The following SEMA3E variants were observed in gnomAD, a reference collection of about 807,000 sequenced individuals.
SEMA3E encodes semaphorin-3E.
In SEMA3E, 49 loss-of-function variants were observed where a neutral mutation model predicts 93.6. The observed-to-expected ratio is 0.52, with a 90% CI of 0.42 to 0.66. The LOEUF (loss-of-function observed/expected upper bound fraction) is 0.66, where lower values mean the gene tolerates loss of function less well. SEMA3E is among the 30% of genes least tolerant of loss of function. The pLI, the probability that SEMA3E is intolerant of heterozygous loss-of-function variation, is 0.00. For missense variants in SEMA3E, 906 were observed against 964.8 expected, an observed-to-expected ratio of 0.94 and a Z score of 0.81; for synonymous variants, 363 against 330.7, an observed-to-expected ratio of 1.10 and a Z score of -1.06.
chr7:83,576,167 C>T (rs532076239), intron 1 of SEMA3E, among the ~76,000 whole-genome samples: 16 of 152,238 alleles, frequency 1.1e-4, no homozygotes, highest in African/African-American at 3.9e-4. Flanking sequence ...TCATAGCCGG[C>T]ATCTTGTTAA....
chr7:83,466,867 AGG>A (rs2115881969), intron 3 of SEMA3E, among the ~76,000 whole-genome samples: 1 of 152,290 alleles, frequency 6.6e-6, no homozygotes, highest in African/African-American at 2.4e-5. Context: ...TTTACAACTG[AGG>A]AATAAAAAAA....
chr7:83,366,685 TCA>T lies in SEMA3E; in HGVS notation c.*899_*900del. On this transcript the variant is annotated 3_prime_UTR_variant, in exon 17 of 17. Transcript: ENST00000643230. ...TACAAGGATTAACATGTTTTTTATT[TCA>T]GTTATTTGTTTCTGCAAATGAACTT... The T allele has an allele frequency of 6.6e-6, 1 of 152,274 alleles. No homozygotes were observed. Among genetic ancestry groups the T allele is most frequent in the East Asian group, 1.9e-4 (1 of 5,188 alleles). 9.4% of individuals were successfully genotyped at this position (152,274 alleles called of 1,614,324 possible).
intron 2 of SEMA3E, 146 bp downstream of exon 2, chr7:83,489,968 G>A (rs1043014338): frequency 1.1e-4 from 85 of 741,256 alleles, no homozygotes; most frequent in Non-Finnish European, 1.7e-4. Context: ...TCCTCAAAAT[G>A]ATTTCAGTTT....
intron 16 of SEMA3E, among the ~76,000 whole-genome samples, chr7:83,381,596 G>A (rs945634195): frequency 6.6e-6 from 1 of 151,262 alleles, no homozygotes; most frequent in Non-Finnish European, 1.5e-5. Flanking sequence ...AGTCATTATT[G>A]TTATTATTTT....
chr7:83,482,227 T>A (rs1790158112), intron 2 of SEMA3E, among the ~76,000 whole-genome samples: 1 of 151,982 alleles, frequency 6.6e-6, no homozygotes. Flanking sequence ...CTAAACGAAA[T>A]TCAACAATAA....
At chr7:83,507,232 A>C (rs1042769396) in intron 1 of SEMA3E, among the ~76,000 whole-genome samples, 6 of 152,106 alleles carry the variant, frequency 3.9e-5, no homozygotes, top group African/African-American at 1.4e-4. Context: ...GAAGGAAAAA[A>C]TCCATGTAAA....
chr7:83,622,523 A>G (rs560513608), intron 1 of SEMA3E, among the ~76,000 whole-genome samples: 3 of 152,362 alleles, frequency 2.0e-5, no homozygotes, highest in Admixed American at 6.5e-5. Flanking sequence ...ATAAAGATAC[A>G]TGCACACATA....
At chr7:83,511,244 A>G (rs1790811298) in intron 1 of SEMA3E, among the ~76,000 whole-genome samples, 2 of 151,770 alleles carry the variant, frequency 1.3e-5, no homozygotes, top group African/African-American at 4.8e-5. Context: ...GTGCTTGCCA[A>G]TGTTACAAAT....
chr7:83,648,398 T>TTA, intron 1 of SEMA3E, 30 bp downstream of exon 1: 1 of 1,354,296 alleles, frequency 7.4e-7, no homozygotes, highest in Non-Finnish European at 1.0e-6. Context: ...TTTTTTTTTT[T>TTA]AAACAAAAGG....
chr7:83,472,377 C>T (rs1203261371), intron 2 of SEMA3E, among the ~76,000 whole-genome samples: 1 of 151,976 alleles, frequency 6.6e-6, no homozygotes, highest in East Asian at 1.9e-4. Context: ...GAAACCCACA[C>T]TGCAATAAAT....
chr7:83,365,883 T>C lies in SEMA3E; in HGVS notation c.*1703A>G, dbSNP rs965989942. 3 of 152,262 alleles carry C rather than the reference T, an allele frequency of 2.0e-5. No individual in the cohort carries two copies. Among genetic ancestry groups the C allele is most frequent in the East Asian group, 1.9e-4 (1 of 5,176 alleles). The allele number at this position is 152,262 out of a possible 1,614,324, so 9.4% of individuals were successfully genotyped here. ...AAATTGAGCAGGCTTTTACTGAATA[T>C]AGTTTTTAAAAATACATTTCACTAC... On this transcript the variant is annotated 3_prime_UTR_variant, in exon 17 of 17. Transcript: ENST00000643230.
intron 1 of SEMA3E, among the ~76,000 whole-genome samples, chr7:83,597,131 C>T (rs1243924694): frequency 6.6e-6 from 1 of 152,122 alleles, no homozygotes; most frequent in Non-Finnish European, 1.5e-5. Flanking sequence ...ATATCACCCA[C>T]ATATCTATAC....
chr7:83,573,259 T>G (rs1792324099), intron 1 of SEMA3E, among the ~76,000 whole-genome samples: 1 of 121,974 alleles, frequency 8.2e-6, no homozygotes, highest in Admixed American at 8.6e-5. Flanking sequence ...ATTGTCATTT[T>G]TATTGTCATT....
chr7:83,585,757 G>A (rs1044171266), intron 1 of SEMA3E, among the ~76,000 whole-genome samples: 1 of 151,956 alleles, frequency 6.6e-6, no homozygotes, highest in African/African-American at 2.4e-5. Context: ...GTTTTCTTTG[G>A]GAAACAAATT....
At chr7:83,648,202 A>T (rs1329489495) in intron 1 of SEMA3E, among the ~76,000 whole-genome samples, 1 of 152,044 alleles carries the variant, frequency 6.6e-6, no homozygotes. Flanking sequence ...CAAAAATAAC[A>T]TCTCTAAGTT....
chr7:83,423,670 ATT>A (rs71074657), intron 4 of SEMA3E, among the ~76,000 whole-genome samples: 3 of 142,726 alleles, frequency 2.1e-5, no homozygotes, highest in Non-Finnish European at 3.0e-5. Context: ...CGCCCGGCTA[ATT>A]TTTTTTTTTT....
chr7:83,438,468 C>T (rs1340559987), intron 4 of SEMA3E, among the ~76,000 whole-genome samples: 1 of 151,962 alleles, frequency 6.6e-6, no homozygotes, highest in Non-Finnish European at 1.5e-5. Flanking sequence ...TAATAAAATA[C>T]CAAGAACTTT....
rs113065273 is a variant in SEMA3E, at chr7:83,484,618, A to C, written c.276+5496T>G. Among the ~76,000 whole-genome samples the C allele has an allele frequency of 5.1e-3, 779 of 151,470 alleles. 13 individuals carry two copies. Among genetic ancestry groups the C allele is most frequent in the African/African-American group, 0.018 (747 of 41,238 alleles). On this transcript the variant is annotated intron_variant, in intron 2 of 16. Coordinates refer to ENST00000643230, the MANE Select transcript of SEMA3E (RefSeq NM_012431.3). The stretch of plus-strand genomic sequence containing the variant: ...TAATTTTGCTATCTTCTTAAATATC[A>C]CCTCCCTAGAAAATATTTTCTTGAC...
intron 1 of SEMA3E, among the ~76,000 whole-genome samples, chr7:83,590,849 G>A (rs991514348): frequency 3.3e-5 from 5 of 152,058 alleles, no homozygotes; most frequent in African/African-American, 1.2e-4. Flanking sequence ...ACTAGAATGT[G>A]AGATTATAAT....
Sources: gnomAD v4.1 joint callset for allele counts (sites outside exome capture counted in the v4.1 genomes callset) on GRCh38, gnomAD v4.1.1 for gene constraint, MANE v1.5 for transcripts, NCBI Gene and HGNC (gene_info 2026-07-23, HGNC 2026-07-21) for gene names.